Variants in RBFOX1 observed in about 807,000 individuals in gnomAD.
RBFOX1 encodes the protein RNA binding fox-1 homolog 1.
RBFOX1 carries 8 observed loss-of-function variants against 57.7 expected under a neutral mutation model. The observed-to-expected ratio is 0.14, with a 90% CI of 0.08 to 0.25. RBFOX1 has a LOEUF of 0.25. RBFOX1 is among the 10% of genes least tolerant of loss of function. The probability of loss-of-function intolerance (pLI) is 1.00; values close to 1 mark genes in which losing one functional copy is unlikely to be tolerated. For missense variants in RBFOX1, 611 were observed against 548.5 expected (o/e 1.11, Z -1.14); for synonymous variants, 326 against 222.4 (o/e 1.47, Z -4.15).
intron 5 of RBFOX1, among the ~76,000 whole-genome samples, chr16:7,534,742 A>T (rs1035638489): frequency 6.6e-6 from 1 of 151,786 alleles, no homozygotes; most frequent in South Asian, 2.1e-4. Flanking sequence ...GAGACTATCC[A>T]CTCGTAGCAG....
At chr16:6,497,436 G>C (rs973210830) in intron 2 of RBFOX1, among the ~76,000 whole-genome samples, 2 of 152,112 alleles carry the variant, frequency 1.3e-5, no homozygotes, top group Non-Finnish European at 1.5e-5. Context: ...TCAAGGCCCA[G>C]AGAGCACTTG....
intron 1 of RBFOX1, among the ~76,000 whole-genome samples, chr16:6,152,473 T>G (rs2096804455): frequency 6.6e-6 from 1 of 152,208 alleles, no homozygotes. Flanking sequence ...GAAAGCAGCT[T>G]CTGGCATGAG....
intron 4 of RBFOX1, among the ~76,000 whole-genome samples, chr16:5,889,208 C>A (rs958755775): frequency 2.0e-5 from 3 of 152,140 alleles, no homozygotes; most frequent in Non-Finnish European, 4.4e-5. Context: ...AGGCCAGCAT[C>A]CATTAACTAT....
chr16:6,557,014 T>TACATATATAC (rs1378125195), intron 2 of RBFOX1, among the ~76,000 whole-genome samples: 2 of 137,562 alleles, frequency 1.5e-5, no homozygotes, highest in South Asian at 2.2e-4. Flanking sequence ...TACATATATA[T>TACATATATAC]ACATATATAT....
At chr16:5,793,832 A>C (rs2054786632) in intron 3 of RBFOX1, among the ~76,000 whole-genome samples, 1 of 152,190 alleles carries the variant, frequency 6.6e-6, no homozygotes, top group African/African-American at 2.4e-5. Context: ...GCAAGTGTTC[A>C]TTTGCACATA....
chr16:6,520,215 T>C (rs975662948), intron 2 of RBFOX1, among the ~76,000 whole-genome samples: 7 of 152,200 alleles, frequency 4.6e-5, no homozygotes, highest in African/African-American at 1.7e-4. Context: ...TGGTATGTGC[T>C]TTTTAAAGAA....
At chr16:7,085,704 A>G (rs1232840224) in intron 4 of RBFOX1, among the ~76,000 whole-genome samples, 1 of 152,174 alleles carries the variant, frequency 6.6e-6, no homozygotes, top group Non-Finnish European at 1.5e-5. Flanking sequence ...TCATGTCCGG[A>G]GGTGATCTCT....
rs76380251 is a variant in RBFOX1, at chr16:6,933,080, C to T, written c.-15-118977C>T. ...CATCACATTTGACAAGATTTCTTCC[C>T]TGTCTAAGGATGAATTACATTCCAT... On this transcript the variant is annotated intron_variant, in intron 3 of 15. Transcript: ENST00000550418. Among the ~76,000 whole-genome samples the T allele has an allele frequency of 5.0e-3, 758 of 152,322 alleles. 10 individuals are homozygous for T. Among genetic ancestry groups the T allele is most frequent in the African/African-American group, 0.017 (718 of 41,572 alleles).
chr16:6,655,037 G>C (rs1416862685), intron 3 of RBFOX1, among the ~76,000 whole-genome samples: 2 of 151,160 alleles, frequency 1.3e-5, no homozygotes, highest in Non-Finnish European at 1.5e-5. Context: ...ATAATATTAG[G>C]CTTCCCAGGG....
chr16:6,135,984 G>A (rs1250149887), intron 1 of RBFOX1, among the ~76,000 whole-genome samples: 1 of 151,682 alleles, frequency 6.6e-6, no homozygotes, highest in African/African-American at 2.4e-5. Context: ...TAGTAGAGAT[G>A]GGTTTTCACC....
chr16:7,278,611 A>G (rs1455385786), intron 4 of RBFOX1, among the ~76,000 whole-genome samples: 3 of 152,252 alleles, frequency 2.0e-5, no homozygotes, highest in South Asian at 4.2e-4. Context: ...ATCCTTTCCT[A>G]TCCTACATTC....
At chr16:6,088,453 T>TTTA (rs1470067246) in intron 1 of RBFOX1, among the ~76,000 whole-genome samples, 19 of 152,196 alleles carry the variant, frequency 1.2e-4, no homozygotes, top group Admixed American at 1.2e-3. Flanking sequence ...AACAAATTAA[T>TTTA]CATTCACTTT....
intron 4 of RBFOX1, among the ~76,000 whole-genome samples, chr16:7,055,471 C>T (rs935688973): frequency 2.6e-5 from 4 of 152,200 alleles, no homozygotes; most frequent in African/African-American, 9.6e-5. Flanking sequence ...TTCTTTCCTT[C>T]TTCCAAGATG....
chr16:6,035,212 C>G (rs17794301), intron 1 of RBFOX1, among the ~76,000 whole-genome samples: 2,570 of 152,266 alleles, frequency 0.017, 32 homozygotes, highest in Non-Finnish European at 0.028. Context: ...AGACAAAGAG[C>G]AAAATATGCC....
Position 6,308,676 on chromosome 16 carries a change from C to T in RBFOX1, c.-126-8319C>T, listed in dbSNP as rs188051352. On this transcript the variant is annotated intron_variant, in intron 1 of 15. Transcript: ENST00000550418. ...TTTTTGGGGAAATGCATTGGTGTCA[C>T]GTTTGGTATGCATTGGATGCAGAAA... 2.0e-5 allele frequency among the ~76,000 whole-genome samples: 3 copies of T among 152,226 alleles called. No homozygotes were observed. The East Asian group carries it at 5.8e-4, about 29-fold the overall frequency.
At chr16:7,134,606 C>T (rs1481443065) in intron 4 of RBFOX1, among the ~76,000 whole-genome samples, 2 of 152,170 alleles carry the variant, frequency 1.3e-5, no homozygotes, top group Non-Finnish European at 2.9e-5. Context: ...GCCTCCTCTC[C>T]CTTCACCCTG....
chr16:6,497,407 C>G (rs1340859181), intron 2 of RBFOX1, among the ~76,000 whole-genome samples: 3 of 152,118 alleles, frequency 2.0e-5, no homozygotes, highest in Non-Finnish European at 4.4e-5. Flanking sequence ...ACTTTTCCCA[C>G]TCTGTAGATA....
intron 3 of RBFOX1, among the ~76,000 whole-genome samples, chr16:7,034,342 T>C (rs2043656481): frequency 6.6e-6 from 1 of 152,128 alleles, no homozygotes; most frequent in Admixed American, 6.6e-5. Flanking sequence ...AGATCATGCC[T>C]GGTAATGACC....
chr16:5,463,010 C>T (rs2068839845), intron 1 of RBFOX1, among the ~76,000 whole-genome samples: 1 of 152,216 alleles, frequency 6.6e-6, no homozygotes, highest in Non-Finnish European at 1.5e-5. Flanking sequence ...AGCAGATCAA[C>T]ATCTAATCCT....
Sources: allele counts gnomAD v4.1 joint callset (sites outside exome capture counted in the v4.1 genomes callset), GRCh38; gene constraint gnomAD v4.1.1; transcripts MANE v1.5; gene names NCBI Gene and HGNC (gene_info 2026-07-23, HGNC 2026-07-21).